The following CATSPERB variants were observed in gnomAD, a reference collection of about 807,000 sequenced individuals.
The protein encoded by CATSPERB is cation channel sperm-associated auxiliary subunit beta.
CATSPERB carries 93 observed loss-of-function variants against 128.3 expected under a neutral mutation model. The ratio of observed to expected loss-of-function variants is 0.72; its 90% CI spans 0.61 to 0.86. The LOEUF is 0.86. CATSPERB is among the 40% of genes least tolerant of loss of function. CATSPERB has a pLI of 0.00. For missense variants in CATSPERB, 1,153 were observed against 1,329.5 expected, an observed-to-expected ratio of 0.87 and a Z score of 2.06; for synonymous variants, 381 against 448.8, an observed-to-expected ratio of 0.85 and a Z score of 1.91.
intron 14 of CATSPERB, among the ~76,000 whole-genome samples, chr14:91,666,947 C>G (rs1419128007): frequency 6.6e-6 from 1 of 152,178 alleles, no homozygotes; most frequent in African/African-American, 2.4e-5. Flanking sequence ...TGACCTTAAC[C>G]TATATATTGA....
At chr14:91,656,969 A>G (rs1326340467) in intron 15 of CATSPERB, among the ~76,000 whole-genome samples, 1 of 152,110 alleles carries the variant, frequency 6.6e-6, no homozygotes, top group Non-Finnish European at 1.5e-5. Context: ...TATAAAAATT[A>G]TAACTATATA....
intron 5 of CATSPERB, among the ~76,000 whole-genome samples, chr14:91,718,581 C>T (rs1895980174): frequency 6.6e-6 from 1 of 152,046 alleles, no homozygotes; most frequent in Admixed American, 6.6e-5. Context: ...ATTGGGCTGA[C>T]CCATAAGAAA....
chr14:91,635,084 C>T (rs1417346749), intron 17 of CATSPERB, among the ~76,000 whole-genome samples: 10 of 151,786 alleles, frequency 6.6e-5, no homozygotes. Context: ...CTGGCTCTGT[C>T]CTTCAGTCCT....
intron 15 of CATSPERB, among the ~76,000 whole-genome samples, chr14:91,658,794 T>C (rs1052098836): frequency 3.0e-5 from 4 of 133,280 alleles, no homozygotes; most frequent in African/African-American, 8.3e-5. Flanking sequence ...CATCCCAAGA[T>C]AGGAGGTAAA....
chr14:91,612,129 A>G (rs1057163802), intron 20 of CATSPERB, among the ~76,000 whole-genome samples: 2 of 150,068 alleles, frequency 1.3e-5, no homozygotes, highest in African/African-American at 4.9e-5. Context: ...GCACTATTAT[A>G]GCTTACTTCA....
chr14:91,614,270 A>G lies in CATSPERB; in HGVS notation c.2400+3327T>C, dbSNP rs142473758. Among the ~76,000 whole-genome samples, 13 of 143,354 alleles carry G rather than the reference A, an allele frequency of 9.1e-5. No homozygotes were observed. In the East Asian group the frequency reaches 2.6e-3, roughly 29 times the overall value. The allele number at this position is 143,354 out of a possible 152,430, so 94.0% of individuals were successfully genotyped here. ...CACACAATACCAGAAGTGAGAGCCA[A>G]TCCAGGTAGTCTTCTCTAGGGCTCA... is the stretch of plus-strand genomic sequence containing the variant. On this transcript the variant is annotated intron_variant, in intron 20 of 26. Coordinates refer to ENST00000256343, the MANE Select transcript of CATSPERB (RefSeq NM_024764.4).
chr14:91,659,915 T>G lies in CATSPERB; in HGVS notation c.1354A>C (p.Lys452Gln), dbSNP rs1322025172. 1.9e-5 allele frequency: 30 copies of G among 1,604,364 alleles called. No homozygotes were observed. The highest frequency in any genetic ancestry group is 2.5e-5 in the Non-Finnish European group (29 of 1,177,434). ...GTATAAAAACTATGAAAAGTCTTCTTTATGATATCATCATGAAAGTTAGCT... is the reference window on the plus strand; with the variant it reads ...GTATAAAAACTATGAAAAGTCTTCTGTATGATATCATCATGAAAGTTAGCT... ...LIANFHDDII[K>Q]KTFHSFYTSA... is the part of the protein sequence containing the mutation. The change falls in exon 15 of 27, where the codon AAG becomes CAG. Residue 452 changes from lysine to glutamine, a missense_variant. Coordinates refer to ENST00000256343, the MANE Select transcript of CATSPERB (RefSeq NM_024764.4).
intron 10 of CATSPERB, among the ~76,000 whole-genome samples, chr14:91,691,309 G>C (rs903462588): frequency 1.3e-5 from 2 of 152,166 alleles, no homozygotes; most frequent in Non-Finnish European, 2.9e-5. Flanking sequence ...TGAAGCAGAA[G>C]AGGTGAGCAC....
At chr14:91,726,298 C>A (rs1896118692) in intron 2 of CATSPERB, among the ~76,000 whole-genome samples, 1 of 152,188 alleles carries the variant, frequency 6.6e-6, no homozygotes, top group South Asian at 2.1e-4. Flanking sequence ...AGGCTCCCAC[C>A]CGTGGATGCT....
At chr14:91,631,356 A>G (rs1183653277) in intron 17 of CATSPERB, among the ~76,000 whole-genome samples, 1 of 152,178 alleles carries the variant, frequency 6.6e-6, no homozygotes, top group Non-Finnish European at 1.5e-5. Context: ...TTAAGTTATC[A>G]CTATTAAGAT....
Position 91,624,965 on chromosome 14 carries a change from C to T in CATSPERB, c.1785G>A (p.Thr595=), listed in dbSNP as rs757435600. 29 of 1,607,474 alleles carry T rather than the reference C, an allele frequency of 1.8e-5. 1 individual carries two copies. The highest frequency in any genetic ancestry group is 5.1e-5 in the Admixed American group (3 of 58,346). The change falls in exon 18 of 27, where the codon ACG becomes ACA. Residue 595 remains threonine, a synonymous_variant. Coordinates refer to ENST00000256343, the MANE Select transcript of CATSPERB (RefSeq NM_024764.4). The part of the protein sequence containing the change: ...RAYIRKVLQH[T]TPKGFLSSVI... Reference sequence around the variant, plus strand: ...CTGAGGACAAAAATCCTTTAGGAGTCGTATGTTGCAATACCTTTCTTATGT... The same window carrying T: ...CTGAGGACAAAAATCCTTTAGGAGTTGTATGTTGCAATACCTTTCTTATGT...
At chr14:91,682,252 A>G (rs1895295137) in intron 11 of CATSPERB, among the ~76,000 whole-genome samples, 1 of 152,144 alleles carries the variant, frequency 6.6e-6, no homozygotes, top group African/African-American at 2.4e-5. Flanking sequence ...CCTATTTGCC[A>G]GGAAATCAGG....
At chr14:91,687,248 C>T (rs1415544123) in intron 10 of CATSPERB, among the ~76,000 whole-genome samples, 2 of 152,006 alleles carry the variant, frequency 1.3e-5, no homozygotes, top group Admixed American at 1.3e-4. Flanking sequence ...GAATGTATTA[C>T]CTATTTGAAC....
In CATSPERB at chr14:91,690,479, G is replaced by T. The variant is rs148801114; in HGVS notation, c.864+1044C>A. Among the ~76,000 whole-genome samples the T allele has an allele frequency of 2.9e-3, 437 of 152,098 alleles. 2 individuals carry two copies. The highest frequency in any genetic ancestry group is 0.01 in the African/African-American group (415 of 41,476). ...GTTTCTGGCATCCTACTCCTTCATG[G>T]GAATTTCTGGATGGTAAACCCTCCC... On this transcript the variant is annotated intron_variant, in intron 10 of 26. Coordinates refer to ENST00000256343, the MANE Select transcript of CATSPERB (RefSeq NM_024764.4).
intron 11 of CATSPERB, among the ~76,000 whole-genome samples, chr14:91,676,935 T>A (rs1382746915): frequency 6.6e-6 from 1 of 152,156 alleles, no homozygotes; most frequent in Non-Finnish European, 1.5e-5. Flanking sequence ...TACAACCATC[T>A]CATCTTCGAA....
intron 13 of CATSPERB, among the ~76,000 whole-genome samples, chr14:91,670,420 G>A (rs924980673): frequency 6.6e-6 from 1 of 151,682 alleles, no homozygotes; most frequent in Non-Finnish European, 1.5e-5. Flanking sequence ...AAAGTGGCTT[G>A]TAATCTCAGC....
intron 15 of CATSPERB, 118 bp downstream of exon 15, chr14:91,659,719 C>T (rs1894842038): frequency 1.1e-6 from 1 of 941,822 alleles, no homozygotes. Flanking sequence ...CCTACAAATC[C>T]ATCACCCCTA....
intron 11 of CATSPERB, among the ~76,000 whole-genome samples, chr14:91,681,188 G>A (rs1264142957): frequency 6.6e-6 from 1 of 152,116 alleles, no homozygotes; most frequent in African/African-American, 2.4e-5. Context: ...GTCCCCACAG[G>A]ACCCCTGAGC....
At chr14:91,607,226 T>A (rs1893727678) in intron 22 of CATSPERB, among the ~76,000 whole-genome samples, 1 of 152,010 alleles carries the variant, frequency 6.6e-6, no homozygotes. Context: ...TACCTTCTCA[T>A]GGGGTCAGAA....
Sources: allele counts gnomAD v4.1 joint callset (sites outside exome capture counted in the v4.1 genomes callset), GRCh38; gene constraint gnomAD v4.1.1; transcripts MANE v1.5; gene names NCBI Gene and HGNC (gene_info 2026-07-23, HGNC 2026-07-21).